Variants in KLHL3 observed in about 807,000 individuals in gnomAD.
KLHL3 encodes kelch-like protein 3.
Under a neutral mutation model 70.5 loss-of-function variants are expected in KLHL3, and 19 were observed. The ratio of observed to expected loss-of-function variants is 0.27; its 90% CI spans 0.19 to 0.40. The LOEUF is 0.40. KLHL3 is among the 10% of genes least tolerant of loss of function. The pLI is 1.00. For missense variants in KLHL3, 512 were observed against 771.1 expected, an observed-to-expected ratio of 0.66 and a Z score of 3.98; for synonymous variants, 258 against 290.3, an observed-to-expected ratio of 0.89 and a Z score of 1.13.
intron 5 of KLHL3, among the ~76,000 whole-genome samples, chr5:137,687,092 G>A (rs1752196262): frequency 3.1e-5 from 3 of 97,480 alleles, no homozygotes; most frequent in African/African-American, 1.1e-4. Flanking sequence ...CCCCCCGCCC[G>A]GCCAGCCGCC....
chr5:137,702,112 G>A (rs1467286598), intron 3 of KLHL3, among the ~76,000 whole-genome samples: 1 of 152,206 alleles, frequency 6.6e-6, no homozygotes, highest in East Asian at 1.9e-4. Context: ...TGCCCTCATG[G>A]AGCTCAGTCT....
At chr5:137,713,709 T>C (rs1208096738) in intron 2 of KLHL3, among the ~76,000 whole-genome samples, 1 of 152,168 alleles carries the variant, frequency 6.6e-6, no homozygotes, top group Non-Finnish European at 1.5e-5. Context: ...ACATTTGTGC[T>C]TCAAAGGATG....
At chr5:137,663,460 TC>T (rs1381882844) in intron 6 of KLHL3, among the ~76,000 whole-genome samples, 5 of 151,836 alleles carry the variant, frequency 3.3e-5, no homozygotes, top group African/African-American at 9.7e-5. Context: ...CCGCACATCC[TC>T]CCATATACTT....
rs1015313663 is a variant in KLHL3 at position 137,619,332 on chromosome 5, T to C, written c.*2766A>G. 2.0e-5 allele frequency: 3 copies of C among 152,654 alleles called. No individual in the cohort carries two copies. Among genetic ancestry groups the C allele is most frequent in the African/African-American group, 7.2e-5 (3 of 41,462 alleles). The allele number at this position is 152,654 out of a possible 1,614,324, so 9.5% of individuals were successfully genotyped here. A position where few individuals can be genotyped will look rare whatever the true frequency, so the allele number is the denominator to read the frequency against. ...CAACTTTGTAGATGGAGAGATGCCATTGGGTACTTATGAGAAATAACTTTG... is the reference window on the plus strand; with the variant it reads ...CAACTTTGTAGATGGAGAGATGCCACTGGGTACTTATGAGAAATAACTTTG... On this transcript the variant is annotated 3_prime_UTR_variant, in exon 15 of 15. Coordinates refer to ENST00000309755, the MANE Select transcript of KLHL3 (RefSeq NM_017415.3).
rs1344750974 is a variant in KLHL3, at chr5:137,658,567, TTTTG to T, written c.754-291_754-288del. ...TTAAAGGTATCTACAACCTCACTAG[TTTTG>T]TTTGTTTTGAGGCTTAAATGAGTTT... On this transcript the variant is annotated intron_variant, in intron 7 of 14. Coordinates refer to ENST00000309755, the MANE Select transcript of KLHL3 (RefSeq NM_017415.3). 9.8e-5 allele frequency among the ~76,000 whole-genome samples: 15 copies of T among 152,328 alleles called. No individual in the cohort carries two copies. The East Asian group carries it at 1.9e-3, about 20-fold the overall frequency.
intron 3 of KLHL3, among the ~76,000 whole-genome samples, chr5:137,700,862 C>A (rs1263549134): frequency 6.6e-6 from 1 of 152,128 alleles, no homozygotes; most frequent in Non-Finnish European, 1.5e-5. Flanking sequence ...CAAACTAAGA[C>A]TTTAGTTTAA....
intron 14 of KLHL3, among the ~76,000 whole-genome samples, chr5:137,623,833 T>A (rs568606440): frequency 1.8e-4 from 28 of 152,196 alleles, no homozygotes; most frequent in Non-Finnish European, 3.4e-4. Context: ...GGGTTCAGTA[T>A]GATAGAATAC....
intron 12 of KLHL3, among the ~76,000 whole-genome samples, chr5:137,632,302 A>G (rs879104822): frequency 6.6e-6 from 1 of 152,210 alleles, no homozygotes; most frequent in Non-Finnish European, 1.5e-5. Flanking sequence ...GCTGGTACCA[A>G]AAATAGACAC....
intron 1 of KLHL3, among the ~76,000 whole-genome samples, chr5:137,733,838 T>G (rs1054724298): frequency 1.3e-5 from 2 of 152,154 alleles, no homozygotes; most frequent in African/African-American, 2.4e-5. Context: ...GAACAGGAGT[T>G]AGAGTTCAGA....
intron 4 of KLHL3, among the ~76,000 whole-genome samples, chr5:137,696,107 C>T (rs1201884645): frequency 6.6e-6 from 1 of 152,144 alleles, no homozygotes; most frequent in Non-Finnish European, 1.5e-5. Flanking sequence ...CATGAAAACA[C>T]AGCAGAGGAT....
At chr5:137,717,997 T>A (rs1188591289) in intron 2 of KLHL3, among the ~76,000 whole-genome samples, 1 of 152,226 alleles carries the variant, frequency 6.6e-6, no homozygotes, top group Non-Finnish European at 1.5e-5. Flanking sequence ...GGCGGCTCTA[T>A]AGTCAAATAT....
intron 3 of KLHL3, among the ~76,000 whole-genome samples, chr5:137,708,344 T>G (rs766364069): frequency 6.6e-6 from 1 of 152,170 alleles, no homozygotes; most frequent in Non-Finnish European, 1.5e-5. Context: ...AGGAAAAGGG[T>G]CACAGCCCAT....
At chr5:137,664,708 C>A (rs1751570011) in intron 6 of KLHL3, among the ~76,000 whole-genome samples, 1 of 151,898 alleles carries the variant, frequency 6.6e-6, no homozygotes, top group Non-Finnish European at 1.5e-5. Flanking sequence ...GTCCCAGCTG[C>A]TTGAGAGGCT....
chr5:137,650,792 A>C (rs1751180071), intron 8 of KLHL3, among the ~76,000 whole-genome samples: 1 of 151,796 alleles, frequency 6.6e-6, no homozygotes, highest in South Asian at 2.1e-4. Flanking sequence ...ATTGCACTCC[A>C]GCCTGGGCAA....
intron 3 of KLHL3, chr5:137,706,203 C>T: frequency 3.0e-6 from 3 of 985,376 alleles, no homozygotes; most frequent in Non-Finnish European, 1.2e-6. Flanking sequence ...CATAATCACA[C>T]AACTCAAGTC....
At chr5:137,680,863 A>T (rs1271998720) in intron 5 of KLHL3, among the ~76,000 whole-genome samples, 2 of 152,066 alleles carry the variant, frequency 1.3e-5, no homozygotes, top group African/African-American at 2.4e-5. Flanking sequence ...TTTAACAGAG[A>T]AGATTTTCTA....
chr5:137,727,040 T>C (rs559517867), intron 1 of KLHL3, among the ~76,000 whole-genome samples: 1 of 152,212 alleles, frequency 6.6e-6, no homozygotes, highest in African/African-American at 2.4e-5. Flanking sequence ...GATCCACATA[T>C]CCAATGTCTT....
At chr5:137,648,105 A>G (rs544202860) in intron 8 of KLHL3, among the ~76,000 whole-genome samples, 4 of 152,328 alleles carry the variant, frequency 2.6e-5, no homozygotes, top group East Asian at 3.9e-4. Context: ...CAGATTCCCA[A>G]TGAAAGGTAG....
chr5:137,709,720 C>A, intron 3 of KLHL3, 30 bp downstream of exon 3: 1 of 1,550,580 alleles, frequency 6.4e-7, no homozygotes, highest in Non-Finnish European at 8.9e-7. Flanking sequence ...AGCCCCATAA[C>A]CATGGGTTAA....
Sources: allele counts gnomAD v4.1 joint callset (sites outside exome capture counted in the v4.1 genomes callset), GRCh38; gene constraint gnomAD v4.1.1; transcripts MANE v1.5; gene names NCBI Gene and HGNC (gene_info 2026-07-23, HGNC 2026-07-21).